The following WWOX variants were observed in gnomAD, a reference collection of about 807,000 sequenced individuals.
WWOX encodes WW domain-containing oxidoreductase.
A neutral mutation model predicts 46.2 loss-of-function variants in WWOX; 69 were observed. That is an observed-to-expected ratio of 1.49 (90% CI 1.23 to 1.82). WWOX has a LOEUF of 1.82. Ranked by LOEUF, WWOX falls within the 40% of genes most tolerant of loss-of-function variation. The probability of loss-of-function intolerance (pLI) is 0.00; values close to 1 mark genes in which losing one functional copy is unlikely to be tolerated. For synonymous variants in WWOX, 359 were observed against 202.6 expected (o/e 1.77, Z -6.56); for missense variants, 919 against 542.6 (o/e 1.69, Z -6.89).
chr16:78,815,232 G>C (rs1451011714), intron 8 of WWOX, among the ~76,000 whole-genome samples: 1 of 152,078 alleles, frequency 6.6e-6, no homozygotes, highest in Non-Finnish European at 1.5e-5. Flanking sequence ...GGTTGAGACA[G>C]GAGATTTCCT....
chr16:79,208,362 C>A (rs1022491404), intron 8 of WWOX, among the ~76,000 whole-genome samples: 3 of 143,920 alleles, frequency 2.1e-5, no homozygotes, highest in African/African-American at 7.8e-5. Flanking sequence ...CTACAGGCTT[C>A]TGATAAATGA....
intron 8 of WWOX, among the ~76,000 whole-genome samples, chr16:78,572,602 CAAAAAAAAAAAAA>C (rs35178787): frequency 2.4e-5 from 1 of 41,504 alleles, no homozygotes; most frequent in Admixed American, 3.4e-4. Context: ...GACTCTGTCT[CAAAAAAAAAAAAA>C]AAAAAAAAAA....
intron 4 of WWOX, among the ~76,000 whole-genome samples, chr16:78,135,617 CT>C (rs2033761899): frequency 6.6e-6 from 1 of 151,944 alleles, no homozygotes; most frequent in South Asian, 2.1e-4. Flanking sequence ...ATCAGGCTTT[CT>C]TTTCTTTCTA....
rs548692620 is a variant in WWOX at position 78,597,058 on chromosome 16, G to A, written c.1056+164306G>A. Among the ~76,000 whole-genome samples the A allele has an allele frequency of 9.2e-5, 14 of 152,282 alleles. 1 individual carries two copies. Among genetic ancestry groups the A allele is most frequent in the Admixed American group, 2.0e-4 (3 of 15,300 alleles). Reference sequence around the variant, plus strand: ...TTGCTGCTCCCCTACCCTCTTCTGCGTAGAAGCGCTGGAGCCAGGTGCTTA... The same window carrying A: ...TTGCTGCTCCCCTACCCTCTTCTGCATAGAAGCGCTGGAGCCAGGTGCTTA... On this transcript the variant is annotated intron_variant, in intron 8 of 8. Transcript: ENST00000566780.
At chr16:78,452,798 C>G (rs1174406766) in intron 8 of WWOX, among the ~76,000 whole-genome samples, 1 of 150,662 alleles carries the variant, frequency 6.6e-6, no homozygotes, top group Non-Finnish European at 1.5e-5. Context: ...GTATTTATGT[C>G]TTTCGATCTT....
chr16:78,400,918 G>A (rs1040115989), intron 6 of WWOX, among the ~76,000 whole-genome samples: 9 of 152,302 alleles, frequency 5.9e-5, no homozygotes, highest in Admixed American at 5.9e-4. Context: ...CAGCCACCAG[G>A]GTTCAAGTGA....
At chr16:79,106,491 A>G (rs2049309775) in intron 8 of WWOX, 1 of 151,746 alleles carries the variant, frequency 6.6e-6, no homozygotes, top group Non-Finnish European at 1.5e-5. Flanking sequence ...TAAAATACGC[A>G]AACTTTGGAG....
intron 5 of WWOX, among the ~76,000 whole-genome samples, chr16:78,337,458 A>G (rs1057059201): frequency 6.6e-6 from 1 of 152,190 alleles, no homozygotes; most frequent in Non-Finnish European, 1.5e-5. Flanking sequence ...CACATTTGCT[A>G]CAATTAATAA....
At chr16:78,399,306 C>G (rs1026494212) in intron 6 of WWOX, among the ~76,000 whole-genome samples, 16 of 152,168 alleles carry the variant, frequency 1.1e-4, no homozygotes, top group African/African-American at 3.9e-4. Context: ...TGGCATGGAG[C>G]CTATACCTTT....
At chr16:78,684,875 T>G (rs963093666) in intron 8 of WWOX, among the ~76,000 whole-genome samples, 1 of 152,168 alleles carries the variant, frequency 6.6e-6, no homozygotes. Flanking sequence ...CATCACTCCT[T>G]TTATAGTCAG....
chr16:78,255,427 A>T (rs1370197899), intron 5 of WWOX, among the ~76,000 whole-genome samples: 1 of 152,250 alleles, frequency 6.6e-6, no homozygotes, highest in East Asian at 1.9e-4. Context: ...TGGATAAATT[A>T]GCGTTTGCGG....
intron 5 of WWOX, among the ~76,000 whole-genome samples, chr16:78,190,780 T>G (rs181840369): frequency 6.6e-6 from 1 of 152,198 alleles, no homozygotes; most frequent in Non-Finnish European, 1.5e-5. Context: ...GAGATGACGC[T>G]GCATACTTCA....
intron 8 of WWOX, among the ~76,000 whole-genome samples, chr16:78,913,441 C>A (rs530603061): frequency 6.6e-6 from 1 of 152,028 alleles, no homozygotes; most frequent in African/African-American, 2.4e-5. Context: ...GCAAAACCCT[C>A]ACGGCTCTTT....
At chr16:78,317,265 T>TTCTC (rs149968704) in intron 5 of WWOX, among the ~76,000 whole-genome samples, 1 of 151,358 alleles carries the variant, frequency 6.6e-6, no homozygotes, top group Non-Finnish European at 1.5e-5. Flanking sequence ...TTGGGGTGAA[T>TTCTC]TCTCTCTCTC....
intron 5 of WWOX, among the ~76,000 whole-genome samples, chr16:78,213,034 C>T (rs944243520): frequency 2.3e-4 from 35 of 152,138 alleles, no homozygotes; most frequent in African/African-American, 7.2e-5. Flanking sequence ...GGGCGGATCA[C>T]TTTAGGTCAG....
At chr16:78,116,984 AGGACT>A (rs2032829741) in intron 4 of WWOX, among the ~76,000 whole-genome samples, 1 of 152,246 alleles carries the variant, frequency 6.6e-6, no homozygotes. Flanking sequence ...ATTGTAATCC[AGGACT>A]GATAGAGTTG....
chr16:79,178,260 A>C (rs2050841150), intron 8 of WWOX, among the ~76,000 whole-genome samples: 1 of 152,168 alleles, frequency 6.6e-6, no homozygotes, highest in South Asian at 2.1e-4. Context: ...AAAAACAAAA[A>C]ACAGTGGGCA....
intron 6 of WWOX, among the ~76,000 whole-genome samples, chr16:78,418,454 G>C (rs931913497): frequency 2.6e-5 from 4 of 151,842 alleles, no homozygotes; most frequent in African/African-American, 9.7e-5. Context: ...ATCTGACACT[G>C]TGAAGCCACT....
chr16:78,643,899 C>G (rs2046781547), intron 8 of WWOX, among the ~76,000 whole-genome samples: 1 of 151,468 alleles, frequency 6.6e-6, no homozygotes, highest in South Asian at 2.1e-4. Context: ...CCCTTGATAT[C>G]TTGATGATAC....
Sources: gnomAD v4.1 joint callset for allele counts (sites outside exome capture counted in the v4.1 genomes callset) on GRCh38, gnomAD v4.1.1 for gene constraint, MANE v1.5 for transcripts, NCBI Gene and HGNC (gene_info 2026-07-23, HGNC 2026-07-21) for gene names.